LMF1: variants seen among roughly 807,000 people sequenced by gnomAD.
LMF1 encodes lipase maturation factor 1, also known as transmembrane protein 112.
Under a neutral mutation model 60.6 loss-of-function variants are expected in LMF1, and 68 were observed. That is an observed-to-expected ratio of 1.12 (90% confidence interval 0.92 to 1.37). LMF1 has a LOEUF of 1.37. Among genes scored for constraint, LMF1 ranks in the 40% most tolerant of loss-of-function variants. LMF1 has a pLI of 0.00. For missense variants in LMF1, 948 were observed against 767.2 expected (o/e 1.24, Z -2.78); for synonymous variants, 418 against 324.7 (o/e 1.29, Z -3.09).
At chr16:880,370 C>T (rs973829910) in intron 5 of LMF1, among the ~76,000 whole-genome samples, 11 of 152,182 alleles carry the variant, frequency 7.2e-5, no homozygotes, top group Admixed American at 1.3e-4. Flanking sequence ...TTGCCCTGCA[C>T]CATAATTCAA....
intron 5 of LMF1, among the ~76,000 whole-genome samples, chr16:885,326 G>A (rs1671138608): frequency 6.6e-6 from 1 of 152,120 alleles, no homozygotes; most frequent in Admixed American, 6.5e-5. Flanking sequence ...GCAACAAAAA[G>A]GAACAGAGAA....
At chr16:960,462 G>T (rs199826794) in intron 1 of LMF1, among the ~76,000 whole-genome samples, 2,444 of 46,524 alleles carry the variant, frequency 0.053, 205 homozygotes, top group African/African-American at 0.24. Flanking sequence ...GTGACAGCAC[G>T]GGATCACGAC....
At chr16:860,665 T>TG (rs2069435754) in intron 10 of LMF1, among the ~76,000 whole-genome samples, 1 of 152,210 alleles carries the variant, frequency 6.6e-6, no homozygotes, top group Non-Finnish European at 1.5e-5. Context: ...TCTTATGCTT[T>TG]ACGTTGAAGT....
chr16:885,930 T>C (rs775056446), intron 5 of LMF1, among the ~76,000 whole-genome samples: 1 of 152,236 alleles, frequency 6.6e-6, no homozygotes, highest in East Asian at 1.9e-4. Flanking sequence ...GAACTTTCAC[T>C]AAGACAAACC....
chr16:885,538 G>A (rs1452370296), intron 5 of LMF1, among the ~76,000 whole-genome samples: 2 of 152,188 alleles, frequency 1.3e-5, no homozygotes, highest in African/African-American at 4.8e-5. Context: ...AAAGGTAAAG[G>A]ACGGAAAAAC....
At position 911,039 on chromosome 16, in the gene LMF1, G is replaced by A. The variant is rs1474012487; in HGVS notation, c.555C>T (p.Ile185=). The stretch of plus-strand genomic sequence containing the variant: ...ACAGCGTCCACAGAGGGCACAGGAA[G>A]ATCCCCAGGAACCCCGTCTCCAGAA... ...SQLLETGFLG[I]FLCPLWTLSR... The change falls in exon 4 of 11, where the codon ATC becomes ATT. Residue 185 remains isoleucine, a synonymous_variant. Transcript: ENST00000262301. 1 of 1,612,962 alleles carries A rather than the reference G, an allele frequency of 6.2e-7. No homozygotes were observed. The highest frequency in any genetic ancestry group is 8.5e-7 in the Non-Finnish European group (1 of 1,179,772).
At chr16:900,443 C>T (rs2070776805) in intron 4 of LMF1, 1 of 152,134 alleles carries the variant, frequency 6.6e-6, no homozygotes, top group Non-Finnish European at 1.5e-5. Flanking sequence ...CTCGCAGAGC[C>T]GTAAGCTGCA....
At position 893,047 on chromosome 16, in the gene LMF1, C is replaced by A; in HGVS notation, c.689G>T (p.Arg230Leu). 6.4e-7 allele frequency: 1 copy of A among 1,553,184 alleles called. No individual in the cohort carries two copies. The highest frequency in any genetic ancestry group is 2.4e-5 in the East Asian group (1 of 41,072). The change falls in exon 5 of 11, where the codon CGG becomes CTG. Residue 230 changes from arginine (R) to leucine (L), a missense_variant. By Grantham distance (102) the Arg-to-Leu change is moderately radical. Transcript: ENST00000262301. ...CATGCAGGTGAGGTCTCGCCAGCAC[C>A]GGTCCCCCCGGATCTTGATCAGGCC... ...GAGLIKIRGD[R>L]CWRDLTCMDF...
intron 3 of LMF1, chr16:921,274 C>T (rs2071422803): frequency 6.6e-6 from 1 of 152,262 alleles, no homozygotes; most frequent in Non-Finnish European, 1.5e-5. Context: ...CTGGGGCATT[C>T]TGTTCCCCTT....
Position 897,887 on chromosome 16 carries a change from G to A in LMF1, c.664-4815C>T, listed in dbSNP as rs1210150798. ...CTCATGCAAGAGAGAACTGGCATGG[G>A]AGGTGGGCTCCGCCCCCGAGTGCTT... is the stretch of plus-strand genomic sequence containing the variant. On this transcript the variant is annotated intron_variant, in intron 4 of 10. Coordinates refer to ENST00000262301, the MANE Select transcript of LMF1 (RefSeq NM_022773.4). This position sits in a 1 kb window ranked among gnomAD's most constrained non-coding sequence, Gnocchi z 4.3. Among the ~76,000 whole-genome samples, 1 of 152,244 alleles carries A rather than the reference G, an allele frequency of 6.6e-6. No individual in the cohort carries two copies. Among genetic ancestry groups the A allele is most frequent in the African/African-American group, 2.4e-5 (1 of 41,468 alleles).
At chr16:893,155 C>T (rs929073884) in intron 4 of LMF1, 83 bp from the exon 5 acceptor site, 161 of 1,232,812 alleles carry the variant, frequency 1.3e-4, no homozygotes, top group Middle Eastern at 1.8e-4. Context: ...CCCAGGAAGA[C>T]GAACCATCCA....
intron 3 of LMF1, among the ~76,000 whole-genome samples, chr16:914,594 C>G (rs1736496): frequency 3.9e-4 from 1 of 2,554 alleles, no homozygotes; most frequent in Non-Finnish European, 9.1e-4. Context: ...CCCATGACCA[C>G]TGGTGACACA....
At chr16:926,468 GTGTC>G (rs1344387562) in intron 3 of LMF1, among the ~76,000 whole-genome samples, 8 of 152,360 alleles carry the variant, frequency 5.3e-5, no homozygotes, top group Admixed American at 6.5e-5. Context: ...CTGCATACGT[GTGTC>G]TGTGTGTGCG....
intron 4 of LMF1, among the ~76,000 whole-genome samples, chr16:895,498 C>G (rs368484147): frequency 1.3e-5 from 2 of 152,208 alleles, no homozygotes; most frequent in African/African-American, 2.4e-5. Context: ...CGGGAGCCGC[C>G]GGGTTCTCTG....
intron 2 of LMF1, among the ~76,000 whole-genome samples, chr16:948,236 A>C (rs2072301820): frequency 6.6e-6 from 1 of 151,812 alleles, no homozygotes; most frequent in Non-Finnish European, 1.5e-5. Context: ...ACAATGACAG[A>C]GTTACAGAAA....
chr16:960,054 C>G (rs1389392359), intron 1 of LMF1, among the ~76,000 whole-genome samples: 1 of 152,208 alleles, frequency 6.6e-6, no homozygotes, highest in Non-Finnish European at 1.5e-5. Flanking sequence ...GGAAGAGGGC[C>G]AGCAGCTGTG....
chr16:904,330 C>T (rs71382294), intron 4 of LMF1, among the ~76,000 whole-genome samples: 99 of 98,612 alleles, frequency 1.0e-3, no homozygotes, highest in Middle Eastern at 0.011. Context: ...GTCTCTGCTG[C>T]GTGGTGGTGA....
At position 859,117 on chromosome 16, in the gene LMF1, G is replaced by C. The variant is rs368525269; in HGVS notation, c.1530-4411C>G. ...CGGGACGGGTGTGCAGTGATGTCTC[G>C]GGACGGGTGTGCACTGATGTCACGG... is the stretch of plus-strand genomic sequence containing the variant. On this transcript the variant is annotated intron_variant, in intron 10 of 10. Transcript: ENST00000262301. Among the ~76,000 whole-genome samples, 1,012 of 127,562 alleles carry C rather than the reference G, an allele frequency of 7.9e-3. 25 individuals carry two copies. Among genetic ancestry groups the C allele is most frequent in the South Asian group, 0.017 (60 of 3,530 alleles). The allele number at this position is 127,562 out of a possible 152,430, so 83.7% of individuals were successfully genotyped here. A position where few individuals can be genotyped will look rare whatever the true frequency, so the allele number is the denominator to read the frequency against.
At chr16:921,911 A>G (rs1192624331) in intron 3 of LMF1, among the ~76,000 whole-genome samples, 1 of 152,232 alleles carries the variant, frequency 6.6e-6, no homozygotes, top group East Asian at 1.9e-4. Context: ...AAATTTAAAA[A>G]CAAAACATAA....
Sources: gnomAD v4.1 joint callset for allele counts (sites outside exome capture counted in the v4.1 genomes callset) on GRCh38, gnomAD v4.1.1 for gene constraint, Gnocchi (gnomAD v3.1) non-coding constraint, MANE v1.5 for transcripts, NCBI Gene and HGNC (gene_info 2026-07-23, HGNC 2026-07-21) for gene names.